UTP4: variants seen among roughly 807,000 people sequenced by gnomAD.
UTP4 encodes UTP4 small subunit processome component.
In UTP4, 45 loss-of-function variants were observed where a neutral mutation model predicts 82.4. The observed-to-expected ratio is 0.55, with a 90% confidence interval of 0.43 to 0.70. The LOEUF (loss-of-function observed/expected upper bound fraction) is 0.70, where lower values mean the gene tolerates loss of function less well. UTP4 is among the 30% of genes least tolerant of loss of function. The pLI, the probability that UTP4 is intolerant of heterozygous loss-of-function variation, is 0.00. For missense variants in UTP4, 819 were observed against 858.3 expected, an observed-to-expected ratio of 0.95 and a Z score of 0.57; for synonymous variants, 348 against 300.3, an observed-to-expected ratio of 1.16 and a Z score of -1.64.
chr16:69,140,290 G>C (rs993904499), intron 5 of UTP4, among the ~76,000 whole-genome samples: 1 of 152,156 alleles, frequency 6.6e-6, no homozygotes, highest in African/African-American at 2.4e-5. Flanking sequence ...TGAAACATGA[G>C]ATCAGAAAAG....
chr16:69,140,237 G>T (rs1008488692), intron 5 of UTP4, among the ~76,000 whole-genome samples: 1 of 152,142 alleles, frequency 6.6e-6, no homozygotes, highest in African/African-American at 2.4e-5. Context: ...GTAAAAATGG[G>T]CTTCTGTCAT....
intron 11 of UTP4, 94 bp from the exon 12 acceptor site, chr16:69,156,990 A>G (rs1963433066): frequency 2.3e-6 from 3 of 1,324,870 alleles, no homozygotes; most frequent in Non-Finnish European, 3.3e-6. Context: ...TAGAGACAGG[A>G]AGCATTAATG....
At chr16:69,158,879 C>A (rs1341721458) in intron 12 of UTP4, among the ~76,000 whole-genome samples, 1 of 152,120 alleles carries the variant, frequency 6.6e-6, no homozygotes. Flanking sequence ...CATAGAGCAT[C>A]ACTGTCCAAT....
intron 4 of UTP4, 140 bp downstream of exon 4, chr16:69,138,025 C>T (rs1209930601): frequency 1.0e-5 from 7 of 678,868 alleles, no homozygotes; most frequent in East Asian, 8.1e-5. Flanking sequence ...TGCTAGAAGC[C>T]ATCCCCAGCC....
rs141243868 is a variant in UTP4, at chr16:69,133,516, C to A, written c.57C>A (p.Ile19=). The A allele has an allele frequency of 4.0e-5, 65 of 1,614,028 alleles. No individual in the cohort carries two copies. Among genetic ancestry groups the A allele is most frequent in the Non-Finnish European group, 5.1e-5 (60 of 1,180,006 alleles). Residue 19 remains isoleucine, a synonymous_variant, in exon 2 of 17, where the codon ATC becomes ATA. Coordinates refer to ENST00000314423, the MANE Select transcript of UTP4 (RefSeq NM_032830.3). The part of the protein sequence containing the change: ...VRFFNYVPSG[I]RCVAYNNQSN... Reference sequence around the variant, plus strand: ...TCTTTAATTATGTTCCATCAGGAATCCGCTGTGTGGCTTACAATAACCAGT... The same window carrying A: ...TCTTTAATTATGTTCCATCAGGAATACGCTGTGTGGCTTACAATAACCAGT...
At chr16:69,141,349 G>C (rs1962953686) in intron 5 of UTP4, among the ~76,000 whole-genome samples, 1 of 152,230 alleles carries the variant, frequency 6.6e-6, no homozygotes, top group African/African-American at 2.4e-5. Context: ...AAGAGTGCAT[G>C]AGAAAGAATT....
intron 6 of UTP4, among the ~76,000 whole-genome samples, chr16:69,149,981 G>C (rs962367149): frequency 1.3e-5 from 2 of 152,302 alleles, no homozygotes; most frequent in African/African-American, 4.8e-5. Context: ...ACCCAGCTCA[G>C]CTTCTCAAAG....
In UTP4 at chr16:69,133,548, G is replaced by A; in HGVS notation, c.89G>A (p.Arg30Lys). 6.2e-7 allele frequency: 1 copy of A among 1,614,186 alleles called. No individual in the cohort carries two copies. Among genetic ancestry groups the A allele is most frequent in the Non-Finnish European group, 8.5e-7 (1 of 1,180,030 alleles). The change falls in exon 2 of 17, where the codon AGA becomes AAA. Residue 30 changes from arginine to lysine, a missense_variant. Arg to Lys is a conservative substitution (Grantham distance 26, BLOSUM62 2). Transcript: ENST00000314423. The part of the protein sequence containing the change: ...RCVAYNNQSN[R>K]LAVSRTDGTV... ...GTGGCTTACAATAACCAGTCAAACA[G>A]ATTGGCTGTTTCACGAACAGATGGC...
intron 4 of UTP4, 182 bp downstream of exon 4, chr16:69,138,067 ACTG>A: frequency 1.7e-6 from 1 of 585,568 alleles, no homozygotes; most frequent in Non-Finnish European, 3.0e-6. Context: ...CATAGTTGTG[ACTG>A]CTTGGTTAAG....
At position 69,150,720 on chromosome 16, in the gene UTP4, C is replaced by T. The variant is rs772010545; in HGVS notation, c.910+12C>T. ...GCTGATATCTGGAGGTGGGTTCCCC[C>T]TCTGGTGAGGCTGCTGCTTTACCCT... On this transcript the variant is annotated intron_variant, in intron 7 of 16. Transcript: ENST00000314423. 3 of 1,614,076 alleles carry T rather than the reference C, an allele frequency of 1.9e-6. No homozygotes were observed. Among genetic ancestry groups the T allele is most frequent in the Non-Finnish European group, 2.5e-6 (3 of 1,180,040 alleles).
chr16:69,168,313 G>A (rs1256127707), intron 16 of UTP4, among the ~76,000 whole-genome samples: 2 of 151,844 alleles, frequency 1.3e-5, no homozygotes, highest in African/African-American at 2.4e-5. Context: ...GTGGGCACCT[G>A]TAGTCCCAGC....
chr16:69,163,207 C>CTATTA, intron 14 of UTP4, 29 bp downstream of exon 14: 1 of 1,547,428 alleles, frequency 6.5e-7, no homozygotes, highest in Non-Finnish European at 8.9e-7. Flanking sequence ...CTTTCTATTC[C>CTATTA]CTTCCTGCTG....
At position 69,150,967 on chromosome 16, in the gene UTP4, C is replaced by T. The variant is rs1407359734; in HGVS notation, c.1002+63C>T. 11 of 1,290,162 alleles carry T rather than the reference C, an allele frequency of 8.5e-6. No homozygotes were observed. The Admixed American group carries it at 1.9e-4, about 22-fold the overall frequency. The allele number at this position is 1,290,162 out of a possible 1,614,324, so 79.9% of individuals were successfully genotyped here. On this transcript the variant is annotated intron_variant, in intron 8 of 16. Coordinates refer to ENST00000314423, the MANE Select transcript of UTP4 (RefSeq NM_032830.3). ...TCCCCATCCCTGTGTCCCCCTGTCC[C>T]ACAAGCTCTGAACACAGCTCACGCT...
rs181369275 is a variant in UTP4 at position 69,163,392 on chromosome 16, A to G, written c.1647+214A>G. Among the ~76,000 whole-genome samples the G allele has an allele frequency of 8.7e-4, 132 of 152,278 alleles. 1 individual carries two copies. Among genetic ancestry groups the G allele is most frequent in the Non-Finnish European group, 2.8e-4 (19 of 68,026 alleles). On this transcript the variant is annotated intron_variant, in intron 14 of 16. Coordinates refer to ENST00000314423, the MANE Select transcript of UTP4 (RefSeq NM_032830.3). ...TGGGATGCAATTTAAATGGAGAAGC[A>G]CTAAGATTCTAGAGTAAAGAATCAC... is the stretch of plus-strand genomic sequence containing the variant.
intron 7 of UTP4, 35 bp downstream of exon 7, chr16:69,150,743 C>A (rs1196309726): frequency 1.2e-6 from 2 of 1,613,940 alleles, no homozygotes; most frequent in South Asian, 1.1e-5. Context: ...GCTGCTTTAC[C>A]CTGCCCAGTT....
chr16:69,154,736 A>G (rs1467124651), intron 10 of UTP4, among the ~76,000 whole-genome samples: 1 of 150,994 alleles, frequency 6.6e-6, no homozygotes, highest in Non-Finnish European at 1.5e-5. Context: ...TTATTTATTT[A>G]TTTATTTTTG....
intron 10 of UTP4, among the ~76,000 whole-genome samples, chr16:69,155,512 C>T (rs1251634061): frequency 6.6e-6 from 1 of 152,182 alleles, no homozygotes; most frequent in Non-Finnish European, 1.5e-5. Context: ...TAAAGCAGAA[C>T]GCCGTACACA....
chr16:69,163,168 C>T lies in UTP4; in HGVS notation c.1637C>T (p.Ser546Leu), dbSNP rs769827893. 21 of 1,612,442 alleles carry T rather than the reference C, an allele frequency of 1.3e-5. No homozygotes were observed. The highest frequency in any genetic ancestry group is 8.9e-5 in the East Asian group (4 of 44,868). The change falls in exon 14 of 17, where the codon TCG (serine) becomes TTG (leucine). Residue 546 changes from serine to leucine, a missense_variant. Coordinates refer to ENST00000314423, the MANE Select transcript of UTP4 (RefSeq NM_032830.3). Reference protein sequence around the residue: ...PNTNNLVIAHSDQQVFEYSIP... With the variant: ...PNTNNLVIAHLDQQVFEYSIP... The stretch of plus-strand genomic sequence containing the variant: ...ACCAACAACCTTGTCATCGCTCATT[C>T]GGACCAGCAGGTAAGGGAGATTCCA...
At position 69,133,520 on chromosome 16, in the gene UTP4, T is replaced by C. The variant is rs778685504; in HGVS notation, c.61T>C (p.Cys21Arg). The change falls in exon 2 of 17, where the codon TGT (cysteine) becomes CGT (arginine). Residue 21 changes from cysteine to arginine, a missense_variant. Coordinates refer to ENST00000314423, the MANE Select transcript of UTP4 (RefSeq NM_032830.3). ...FFNYVPSGIR[C>R]VAYNNQSNRL... ...TAATTATGTTCCATCAGGAATCCGC[T>C]GTGTGGCTTACAATAACCAGTCAAA... is the stretch of plus-strand genomic sequence containing the variant. 6 of 1,614,226 alleles carry C rather than the reference T, an allele frequency of 3.7e-6. No individual in the cohort carries two copies. The South Asian group carries it at 6.6e-5, about 18-fold the overall frequency.
Sources: gnomAD v4.1 joint callset for allele counts (sites outside exome capture counted in the v4.1 genomes callset) on GRCh38, gnomAD v4.1.1 for gene constraint, MANE v1.5 for transcripts, NCBI Gene and HGNC (gene_info 2026-07-23, HGNC 2026-07-21) for gene names.